Variants in NUP98 observed in about 807,000 individuals in gnomAD.
The protein encoded by NUP98 is nuclear pore complex protein Nup98-Nup96.
NUP98 carries 26 observed loss-of-function variants against 191.9 expected under a neutral mutation model. The observed-to-expected ratio is 0.14, with a 90% CI of 0.10 to 0.19. NUP98 has a LOEUF of 0.19. Among genes scored for constraint, NUP98 ranks in the 10% least tolerant of loss-of-function variants. NUP98 has a pLI of 1.00. For synonymous variants in NUP98, 808 were observed against 778.4 expected (o/e 1.04, Z -0.63); for missense variants, 1,941 against 2,178.8 (o/e 0.89, Z 2.17).
At chr11:3,783,894 TAAATAAAATAA>T (rs1246617712) in intron 1 of NUP98, among the ~76,000 whole-genome samples, 1 of 151,812 alleles carries the variant, frequency 6.6e-6, no homozygotes, top group Non-Finnish European at 1.5e-5. Context: ...TAAAAAAAAA[TAAATAAAATAA>T]AAATAAAAAA....
At chr11:3,746,711 G>A (rs954762384) in intron 11 of NUP98, among the ~76,000 whole-genome samples, 2 of 151,568 alleles carry the variant, frequency 1.3e-5, no homozygotes, top group African/African-American at 4.9e-5. Context: ...TCAGGAGTTC[G>A]AGACCAGCCT....
At chr11:3,771,427 G>T (rs7931756) in intron 7 of NUP98, among the ~76,000 whole-genome samples, 15,591 of 152,058 alleles carry the variant, frequency 0.1, 1,420 homozygotes, top group African/African-American at 0.24. Context: ...TCTTCAAATG[G>T]CAAAAACTCA....
In NUP98 at chr11:3,773,830, T is replaced by C. The variant is rs906508933; in HGVS notation, c.496-91A>G. ...TTTCTCAACCACTGAACTCTAAAAC[T>C]AGTCCCCCCAGGTCTTTTATACTGA... On this transcript the variant is annotated intron_variant, in intron 5 of 32. Coordinates refer to ENST00000324932, the MANE Select transcript of NUP98 (RefSeq NM_016320.5). 8.4e-6 allele frequency: 6 copies of C among 717,336 alleles called. No individual in the cohort carries two copies. The African/African-American group carries it at 1.1e-4, about 13-fold the overall frequency. 44.4% of individuals were successfully genotyped at this position (717,336 alleles called of 1,614,324 possible).
At chr11:3,752,038 C>T (rs779632370) in intron 11 of NUP98, among the ~76,000 whole-genome samples, 7 of 147,330 alleles carry the variant, frequency 4.8e-5, no homozygotes, top group African/African-American at 1.3e-4. Flanking sequence ...TAGCTGGGTA[C>T]GGTGGCGTGC....
intron 24 of NUP98, 47 bp from the exon 25 acceptor site, chr11:3,699,395 C>CA (rs746245691): frequency 5.6e-6 from 9 of 1,599,178 alleles, no homozygotes; most frequent in Middle Eastern, 1.7e-4. Flanking sequence ...AGTCTTACAA[C>CA]AACTTCACAG....
intron 11 of NUP98, among the ~76,000 whole-genome samples, chr11:3,748,046 T>A (rs752765020): frequency 1.3e-5 from 2 of 152,218 alleles, no homozygotes; most frequent in African/African-American, 4.8e-5. Context: ...AGGAGAGGCA[T>A]GTATAAGGAA....
At chr11:3,774,191 A>G (rs1350162305) in intron 5 of NUP98, among the ~76,000 whole-genome samples, 1 of 151,050 alleles carries the variant, frequency 6.6e-6, no homozygotes, top group East Asian at 2.0e-4. Context: ...TGAGGTCAGG[A>G]GTTCGAGACC....
chr11:3,712,798 TGCA>T, intron 19 of NUP98, 70 bp from the exon 20 acceptor site: 1 of 1,494,566 alleles, frequency 6.7e-7, no homozygotes, highest in Non-Finnish European at 9.1e-7. Flanking sequence ...TTTGCAATCT[TGCA>T]GCATTACCTT....
At chr11:3,782,860 G>C (rs2082020163) in intron 1 of NUP98, among the ~76,000 whole-genome samples, 1 of 152,000 alleles carries the variant, frequency 6.6e-6, no homozygotes, top group Non-Finnish European at 1.5e-5. Context: ...ACCCGGCCAA[G>C]GCTTTATTTT....
intron 22 of NUP98, among the ~76,000 whole-genome samples, chr11:3,704,816 G>A (rs1192589990): frequency 1.3e-5 from 2 of 152,092 alleles, no homozygotes; most frequent in African/African-American, 4.8e-5. Context: ...GACCAGCCTG[G>A]GGCAAGATAG....
At chr11:3,676,723 G>A (rs1300453180) in intron 31 of NUP98, 103 bp from the exon 32 acceptor site, 4 of 947,352 alleles carry the variant, frequency 4.2e-6, no homozygotes, top group Non-Finnish European at 6.9e-6. Flanking sequence ...TGAGGTGAGG[G>A]AGGGGAAAAT....
At chr11:3,682,551 G>A (rs1230831353) in intron 30 of NUP98, among the ~76,000 whole-genome samples, 1 of 152,166 alleles carries the variant, frequency 6.6e-6, no homozygotes, top group Non-Finnish European at 1.5e-5. Flanking sequence ...ACCAGTTGAT[G>A]GAGCAGCCAG....
intron 24 of NUP98, 91 bp downstream of exon 24, chr11:3,700,519 G>T: frequency 1.2e-6 from 1 of 830,330 alleles, no homozygotes; most frequent in South Asian, 1.8e-5. Context: ...TTACCTACTA[G>T]ACTGGTGCCA....
intron 2 of NUP98, among the ~76,000 whole-genome samples, chr11:3,780,248 GC>G (rs2081910960): frequency 6.6e-6 from 1 of 151,316 alleles, no homozygotes; most frequent in Non-Finnish European, 1.5e-5. Context: ...CCTGCCAGGT[GC>G]GGGGAAGTTA....
chr11:3,748,640 A>G (rs1464690720), intron 11 of NUP98, among the ~76,000 whole-genome samples: 1 of 152,222 alleles, frequency 6.6e-6, no homozygotes, highest in Non-Finnish European at 1.5e-5. Context: ...CCCCATCTCT[A>G]TTAAAATTAC....
chr11:3,760,369 A>C lies in NUP98; in HGVS notation c.1174+170T>G. 5 of 898,368 alleles carry C rather than the reference A, an allele frequency of 5.6e-6. No individual in the cohort carries two copies. In the South Asian group the frequency reaches 8.3e-5, roughly 15 times the overall value. 55.6% of individuals were successfully genotyped at this position (898,368 alleles called of 1,614,324 possible). ...TTTAAACCTTTCCCTCTGGTACTTC[A>C]CATCAAGCTACCGCTTACCTGAGAA... On this transcript the variant is annotated intron_variant, in intron 10 of 32. Coordinates refer to ENST00000324932, the MANE Select transcript of NUP98 (RefSeq NM_016320.5).
Position 3,787,500 on chromosome 11 carries a change from T to C in NUP98, c.-28-5355A>G, listed in dbSNP as rs1028699836. On this transcript the variant is annotated intron_variant, in intron 1 of 32. Coordinates refer to ENST00000324932, the MANE Select transcript of NUP98 (RefSeq NM_016320.5). ...CGAGAGACTGAGGCAGGAGAGTCGCTCGAACCCGGAAGGCAGAGGTTGCAG... is the reference window on the plus strand; with the variant it reads ...CGAGAGACTGAGGCAGGAGAGTCGCCCGAACCCGGAAGGCAGAGGTTGCAG... Among the ~76,000 whole-genome samples, 10 of 151,944 alleles carry C rather than the reference T, an allele frequency of 6.6e-5. No homozygotes were observed. The South Asian group carries it at 1.9e-3, about 28-fold the overall frequency.
intron 31 of NUP98, among the ~76,000 whole-genome samples, chr11:3,677,752 A>T (rs1455002829): frequency 6.6e-6 from 1 of 152,328 alleles, no homozygotes; most frequent in African/African-American, 2.4e-5. Context: ...TCAATATTCA[A>T]TGAGAAAGTG....
At chr11:3,723,532 T>A in intron 15 of NUP98, 77 bp from the exon 16 acceptor site, 7 of 1,223,272 alleles carry the variant, frequency 5.7e-6, no homozygotes, top group Non-Finnish European at 7.0e-6. Context: ...ATACCGAGCC[T>A]TTACTAAGTG....
Sources: allele counts gnomAD v4.1 joint callset (sites outside exome capture counted in the v4.1 genomes callset), GRCh38; gene constraint gnomAD v4.1.1; transcripts MANE v1.5; gene names NCBI Gene and HGNC (gene_info 2026-07-23, HGNC 2026-07-21).